MKLN1: variants seen among roughly 807,000 people sequenced by gnomAD.
The protein encoded by MKLN1 is muskelin 1.
In MKLN1, 18 loss-of-function variants were observed where a neutral mutation model predicts 99.0. The observed-to-expected ratio is 0.18, with a 90% CI of 0.13 to 0.27. The LOEUF (loss-of-function observed/expected upper bound fraction) is 0.27, where lower values mean the gene tolerates loss of function less well. Among genes scored for constraint, MKLN1 ranks in the 10% least tolerant of loss-of-function variants. MKLN1 has a pLI of 1.00. For missense variants in MKLN1, 621 were observed against 875.9 expected (o/e 0.71, Z 3.67); for synonymous variants, 288 against 293.2 (o/e 0.98, Z 0.18).
chr7:131,140,411 AGG>A (rs1795713210), intron 1 of MKLN1, among the ~76,000 whole-genome samples: 1 of 151,814 alleles, frequency 6.6e-6, no homozygotes, highest in Non-Finnish European at 1.5e-5. Context: ...CCAGCATTGG[AGG>A]TGGGGCCTGG....
At chr7:131,156,396 C>T (rs1047688496) in intron 2 of MKLN1, among the ~76,000 whole-genome samples, 21 of 131,632 alleles carry the variant, frequency 1.6e-4, no homozygotes, top group Middle Eastern at 4.5e-3. Flanking sequence ...GGCGTGGAGG[C>T]GAGATCGCGC....
upstream of MKLN1, chr7:131,324,187 G>C (rs1202196827): frequency 1.3e-5 from 2 of 152,248 alleles, no homozygotes; most frequent in Non-Finnish European, 2.9e-5. Flanking sequence ...TCTGTCCAAA[G>C]ACAGAGACCG....
chr7:131,403,814 C>T (rs911194857), intron 6 of MKLN1, among the ~76,000 whole-genome samples: 2 of 152,066 alleles, frequency 1.3e-5, no homozygotes, highest in African/African-American at 4.8e-5. Flanking sequence ...TCATAGGTCA[C>T]TGTAACAGAT....
chr7:131,175,000 TA>T (rs1796273340), intron 2 of MKLN1, among the ~76,000 whole-genome samples: 1 of 139,306 alleles, frequency 7.2e-6, no homozygotes, highest in Non-Finnish European at 1.6e-5. Flanking sequence ...GATAGATAGA[TA>T]GATAGATAGG....
chr7:131,395,381 A>C (rs2116217956), intron 4 of MKLN1, among the ~76,000 whole-genome samples: 1 of 152,122 alleles, frequency 6.6e-6, no homozygotes, highest in Non-Finnish European at 1.5e-5. Context: ...GTCACACAGG[A>C]TACTAGACAG....
chr7:131,208,198 G>A (rs777520151), intron 3 of MKLN1, among the ~76,000 whole-genome samples: 1 of 152,236 alleles, frequency 6.6e-6, no homozygotes, highest in Non-Finnish European at 1.5e-5. Context: ...GGACACAGGA[G>A]GAAAGAGGTA....
intron 2 of MKLN1, among the ~76,000 whole-genome samples, chr7:131,184,823 G>T (rs1485710538): frequency 2.0e-5 from 3 of 152,164 alleles, no homozygotes; most frequent in African/African-American, 7.2e-5. Flanking sequence ...ACCATGCCCG[G>T]CCAGCAATAC....
intron 10 of MKLN1, among the ~76,000 whole-genome samples, chr7:131,439,865 A>AACAC (rs57399724): frequency 6.2e-5 from 9 of 146,214 alleles, no homozygotes; most frequent in African/African-American, 2.0e-4. Flanking sequence ...AAAAGATTTA[A>AACAC]ACACACACAC....
At chr7:131,295,327 C>T (rs1451094132) in intron 3 of MKLN1, among the ~76,000 whole-genome samples, 1 of 151,946 alleles carries the variant, frequency 6.6e-6, no homozygotes, top group East Asian at 1.9e-4. Flanking sequence ...ATTTAAAACA[C>T]AGGCAGAACT....
chr7:131,402,474 C>A lies in MKLN1; in HGVS notation c.703+3041C>A, dbSNP rs117755397. On this transcript the variant is annotated intron_variant, in intron 6 of 17. Coordinates refer to ENST00000352689, the MANE Select transcript of MKLN1 (RefSeq NM_013255.5). The stretch of plus-strand genomic sequence containing the variant: ...CTCTTGTTTATGTTGATATTTTGAT[C>A]TCTTCCCATGAATCATGAATGTTCT... 1.4e-4 allele frequency among the ~76,000 whole-genome samples: 21 copies of A among 152,306 alleles called. No individual in the cohort carries two copies. In the East Asian group the frequency reaches 4.0e-3, roughly 29 times the overall value.
intron 2 of MKLN1, among the ~76,000 whole-genome samples, chr7:131,193,945 A>T (rs931497015): frequency 1.3e-5 from 2 of 150,816 alleles, no homozygotes; most frequent in African/African-American, 4.9e-5. Context: ...AAAATTATTG[A>T]GGTGAAATTC....
intron 2 of MKLN1, among the ~76,000 whole-genome samples, chr7:131,178,789 T>C (rs1173467165): frequency 6.6e-6 from 1 of 152,226 alleles, no homozygotes; most frequent in Non-Finnish European, 1.5e-5. Context: ...CAAACTTTCA[T>C]AGTCACTTTC....
Position 131,487,380 on chromosome 7 carries a change from A to G in MKLN1, c.2087-227A>G, listed in dbSNP as rs959012140. Among the ~76,000 whole-genome samples the G allele has an allele frequency of 6.6e-6, 1 of 152,160 alleles. No individual in the cohort carries two copies. Among genetic ancestry groups the G allele is most frequent in the African/African-American group, 2.4e-5 (1 of 41,454 alleles). On this transcript the variant is annotated intron_variant, in intron 17 of 17. Transcript: ENST00000352689. The surrounding 1 kb of genome is among the most constrained non-coding windows in gnomAD (Gnocchi z 4.7). ...TGTATGAAGTAAACAGGATTATCAC[A>G]TACTTACAGCTGAGGAAGCAAAGTC...
intron 3 of MKLN1, among the ~76,000 whole-genome samples, chr7:131,298,272 G>GA (rs35184610): frequency 0.2 from 28,241 of 143,108 alleles, 2,729 homozygotes; most frequent in African/African-American, 0.26. Flanking sequence ...CTCGGTCTCA[G>GA]AAAAAAAAAA....
At chr7:131,377,826 C>T (rs1350726278) in intron 2 of MKLN1, among the ~76,000 whole-genome samples, 1 of 152,174 alleles carries the variant, frequency 6.6e-6, no homozygotes, top group Non-Finnish European at 1.5e-5. Flanking sequence ...ACGGGTATTA[C>T]ATCAGATACC....
chr7:131,409,771 A>T (rs1414449264), intron 6 of MKLN1, among the ~76,000 whole-genome samples: 1 of 152,198 alleles, frequency 6.6e-6, no homozygotes, highest in Non-Finnish European at 1.5e-5. Context: ...TTTCTAGCTT[A>T]AAAAGTAAGG....
chr7:131,397,236 T>G, intron 4 of MKLN1, 31 bp from the exon 5 acceptor site: 1 of 1,368,624 alleles, frequency 7.3e-7, no homozygotes, highest in Non-Finnish European at 1.0e-6. Flanking sequence ...GTTAATATTT[T>G]TCTTCTTCTT....
exon 2 of MKLN1, chr7:131,142,839 C>T: frequency 8.5e-7 from 1 of 1,174,738 alleles, no homozygotes; most frequent in East Asian, 5.8e-5. Flanking sequence ...TCCAGACTCT[C>T]AAACCATGTT....
chr7:131,218,246 G>A (rs1797012818), intron 3 of MKLN1, among the ~76,000 whole-genome samples: 1 of 152,180 alleles, frequency 6.6e-6, no homozygotes, highest in Non-Finnish European at 1.5e-5. Flanking sequence ...AATTGGAAAA[G>A]TTATAAATCT....
Sources: allele counts gnomAD v4.1 joint callset (sites outside exome capture counted in the v4.1 genomes callset), GRCh38; gene constraint gnomAD v4.1.1; non-coding constraint Gnocchi (gnomAD v3.1); transcripts MANE v1.5; gene names NCBI Gene and HGNC (gene_info 2026-07-23, HGNC 2026-07-21).